ST8SIA6: variants seen among roughly 807,000 people sequenced by gnomAD.
The protein encoded by ST8SIA6 is ST8 alpha-N-acetyl-neuraminide alpha-2,8-sialyltransferase 6.
ST8SIA6 carries 39 observed loss-of-function variants against 33.6 expected under a neutral mutation model. The observed-to-expected ratio is 1.16, with a 90% CI of 0.90 to 1.52. The LOEUF is 1.52. Among genes scored for constraint, ST8SIA6 ranks in the 40% most tolerant of loss-of-function variants. The probability of loss-of-function intolerance (pLI) is 0.00; values close to 1 mark genes in which losing one functional copy is unlikely to be tolerated. For missense variants in ST8SIA6, 441 were observed against 443.8 expected (o/e 0.99, Z 0.06); for synonymous variants, 172 against 167.2 (o/e 1.03, Z -0.22).
intron 4 of ST8SIA6, among the ~76,000 whole-genome samples, chr10:17,350,862 G>C (rs1330949073): frequency 6.6e-6 from 1 of 152,150 alleles, no homozygotes; most frequent in Non-Finnish European, 1.5e-5. Flanking sequence ...TCTCAGAGTA[G>C]AGTTTGATCT....
intron 4 of ST8SIA6, among the ~76,000 whole-genome samples, chr10:17,343,806 A>T (rs186202028): frequency 2.0e-5 from 3 of 152,348 alleles, no homozygotes; most frequent in Admixed American, 2.0e-4. Context: ...GAGACGCCAG[A>T]CAGTGGCTCA....
At chr10:17,418,993 CAAAAAA>C (rs910044275) in intron 2 of ST8SIA6, among the ~76,000 whole-genome samples, 2,105 of 56,166 alleles carry the variant, frequency 0.037, 68 homozygotes, top group African/African-American at 0.12. Flanking sequence ...GGCTCCATCT[CAAAAAA>C]AAAAAAAAAA....
chr10:17,334,341 C>T (rs1703265246), intron 4 of ST8SIA6, among the ~76,000 whole-genome samples: 4 of 151,268 alleles, frequency 2.6e-5, no homozygotes, highest in Admixed American at 1.3e-4. Context: ...AGATCGAGAC[C>T]ATCCTGGCTA....
intron 2 of ST8SIA6, among the ~76,000 whole-genome samples, chr10:17,425,477 G>T (rs540019798): frequency 3.3e-5 from 5 of 152,116 alleles, no homozygotes; most frequent in Non-Finnish European, 5.9e-5. Context: ...TGAGGTGGGA[G>T]AAATGCTTGA....
At chr10:17,361,875 C>G (rs1261254291) in intron 3 of ST8SIA6, among the ~76,000 whole-genome samples, 2 of 152,046 alleles carry the variant, frequency 1.3e-5, no homozygotes, top group Non-Finnish European at 2.9e-5. Context: ...TAAAATCAAT[C>G]AAAGCAGCTC....
At chr10:17,338,879 A>G (rs1848588679) in intron 4 of ST8SIA6, among the ~76,000 whole-genome samples, 1 of 152,210 alleles carries the variant, frequency 6.6e-6, no homozygotes, top group Admixed American at 6.5e-5. Context: ...GAAAGAATTG[A>G]GACTTTCTGT....
At chr10:17,365,835 A>T (rs1223518257) in intron 3 of ST8SIA6, among the ~76,000 whole-genome samples, 1 of 152,208 alleles carries the variant, frequency 6.6e-6, no homozygotes, top group African/African-American at 2.4e-5. Flanking sequence ...GTTTCCTATG[A>T]CATCTCTTCA....
chr10:17,341,414 G>A (rs976478211), intron 4 of ST8SIA6, among the ~76,000 whole-genome samples: 27 of 152,098 alleles, frequency 1.8e-4, no homozygotes, highest in Non-Finnish European at 7.3e-5. Context: ...AGGACCATAA[G>A]GTAAAGGAAT....
At chr10:17,328,139 T>C (rs913688310) in intron 5 of ST8SIA6, among the ~76,000 whole-genome samples, 1 of 151,938 alleles carries the variant, frequency 6.6e-6, no homozygotes, top group African/African-American at 2.4e-5. Context: ...AAAGAGAAAA[T>C]AAAGAAATTA....
chr10:17,323,384 A>G (rs1338256883), intron 6 of ST8SIA6, among the ~76,000 whole-genome samples: 1 of 149,380 alleles, frequency 6.7e-6, no homozygotes, highest in Non-Finnish European at 1.5e-5. Context: ...GTTGTATAAA[A>G]TATACACCTT....
chr10:17,368,052 A>G (rs1303453005), intron 3 of ST8SIA6, among the ~76,000 whole-genome samples: 1 of 152,110 alleles, frequency 6.6e-6, no homozygotes, highest in African/African-American at 2.4e-5. Context: ...CGCATTTGCT[A>G]TGCATGAGAC....
intron 4 of ST8SIA6, among the ~76,000 whole-genome samples, chr10:17,357,211 T>A (rs1198104627): frequency 6.6e-6 from 1 of 151,920 alleles, no homozygotes. Context: ...CTGCAACCTC[T>A]GCCTCCTGAG....
chr10:17,378,757 A>C (rs150311453), intron 3 of ST8SIA6, among the ~76,000 whole-genome samples: 2,208 of 152,280 alleles, frequency 0.014, 59 homozygotes, highest in African/African-American at 0.051. Context: ...AAGTGTTCCA[A>C]CCAGTCTATA....
chr10:17,369,364 C>G (rs1445939825), intron 3 of ST8SIA6, among the ~76,000 whole-genome samples: 3 of 152,006 alleles, frequency 2.0e-5, no homozygotes, highest in African/African-American at 7.3e-5. Flanking sequence ...TAATTCTCAC[C>G]CATTTGTGAG....
At chr10:17,399,211 T>A (rs890798783) in intron 2 of ST8SIA6, 16 of 152,158 alleles carry the variant, frequency 1.1e-4, no homozygotes, top group African/African-American at 3.6e-4. Context: ...TGGTAAGTTC[T>A]GGAGATAAAA....
chr10:17,407,353 A>G (rs1291141321), intron 2 of ST8SIA6, among the ~76,000 whole-genome samples: 1 of 152,298 alleles, frequency 6.6e-6, no homozygotes, highest in East Asian at 1.9e-4. Context: ...GATGTCGGAA[A>G]AGTGACACTT....
intron 4 of ST8SIA6, among the ~76,000 whole-genome samples, chr10:17,332,304 T>A (rs947323115): frequency 6.6e-6 from 1 of 152,204 alleles, no homozygotes; most frequent in African/African-American, 2.4e-5. Flanking sequence ...TTTGCCTATA[T>A]ACCCAGTAAT....
intron 2 of ST8SIA6, among the ~76,000 whole-genome samples, chr10:17,437,951 G>A (rs1320099796): frequency 2.0e-5 from 3 of 151,788 alleles, no homozygotes; most frequent in Non-Finnish European, 2.9e-5. Context: ...GGCCGATCTC[G>A]AACTCCTGAC....
intron 3 of ST8SIA6, among the ~76,000 whole-genome samples, chr10:17,369,540 T>C (rs1849664894): frequency 1.3e-5 from 2 of 152,188 alleles, no homozygotes; most frequent in South Asian, 4.1e-4. Context: ...AAGATCATCA[T>C]AGTCTGTTGT....
Sources: gnomAD v4.1 joint callset for allele counts (sites outside exome capture counted in the v4.1 genomes callset) on GRCh38, gnomAD v4.1.1 for gene constraint, MANE v1.5 for transcripts, NCBI Gene and HGNC (gene_info 2026-07-23, HGNC 2026-07-21) for gene names.